RIMS2: variants seen among roughly 807,000 people sequenced by gnomAD.
RIMS2 encodes regulating synaptic membrane exocytosis 2, also known as regulating synaptic membrane exocytosis protein 2.
In RIMS2, 59 loss-of-function variants were observed where a neutral mutation model predicts 174.4. The observed-to-expected ratio is 0.34, with a 90% CI of 0.27 to 0.42. RIMS2 has a LOEUF of 0.42. RIMS2 is among the 10% of genes least tolerant of loss of function. The pLI is 1.00. For missense variants in RIMS2, 1,620 were observed against 1,666.3 expected (o/e 0.97, Z 0.48); for synonymous variants, 606 against 572.5 (o/e 1.06, Z -0.84).
chr8:103,644,165 C>G (rs189195734), intron 1 of RIMS2, among the ~76,000 whole-genome samples: 12 of 151,946 alleles, frequency 7.9e-5, no homozygotes, highest in Admixed American at 7.9e-4. Context: ...GAATTTGAAA[C>G]TTAGAAGTAG....
At chr8:103,844,154 T>G (rs2098955858) in intron 3 of RIMS2, among the ~76,000 whole-genome samples, 1 of 152,230 alleles carries the variant, frequency 6.6e-6, no homozygotes, top group Non-Finnish European at 1.5e-5. Context: ...CCATTAAACC[T>G]CTTTCCTTTG....
intron 1 of RIMS2, among the ~76,000 whole-genome samples, chr8:103,528,112 G>T (rs755016260): frequency 7.2e-5 from 11 of 152,152 alleles, no homozygotes; most frequent in Non-Finnish European, 1.3e-4. Context: ...ATCTCATTGT[G>T]GTTTTGATTT....
chr8:104,106,939 A>G (rs945775863), intron 19 of RIMS2, among the ~76,000 whole-genome samples: 1 of 152,186 alleles, frequency 6.6e-6, no homozygotes, highest in African/African-American at 2.4e-5. Flanking sequence ...TAACATCAGT[A>G]TAGTGTGGTA....
At chr8:103,594,106 G>A (rs1057243952) in intron 1 of RIMS2, among the ~76,000 whole-genome samples, 6 of 151,470 alleles carry the variant, frequency 4.0e-5, no homozygotes, top group African/African-American at 1.5e-4. Context: ...TTATTTTTGG[G>A]CGTGTACATG....
At chr8:103,751,899 C>T (rs1429666381) in intron 2 of RIMS2, among the ~76,000 whole-genome samples, 1 of 151,820 alleles carries the variant, frequency 6.6e-6, no homozygotes, top group Non-Finnish European at 1.5e-5. Flanking sequence ...TTGTAGGTTG[C>T]CTGTTCACTC....
chr8:103,938,642 A>G (rs1299181016), intron 13 of RIMS2, among the ~76,000 whole-genome samples: 1 of 152,210 alleles, frequency 6.6e-6, no homozygotes, highest in African/African-American at 2.4e-5. Context: ...GTCTTAACTC[A>G]GAATTAACTC....
intron 3 of RIMS2, among the ~76,000 whole-genome samples, chr8:103,814,752 A>T (rs1481841342): frequency 1.3e-5 from 2 of 152,066 alleles, no homozygotes; most frequent in East Asian, 3.9e-4. Context: ...GATGGTGCAC[A>T]CCTATAGTCC....
chr8:103,772,321 A>G (rs547643385), intron 3 of RIMS2, among the ~76,000 whole-genome samples: 240 of 152,104 alleles, frequency 1.6e-3, no homozygotes, highest in Middle Eastern at 3.8e-3. Context: ...TCAATGTCTG[A>G]TAACCATTTA....
intron 1 of RIMS2, among the ~76,000 whole-genome samples, chr8:103,684,254 C>G (rs1276800252): frequency 6.6e-6 from 1 of 152,122 alleles, no homozygotes; most frequent in Admixed American, 6.6e-5. Flanking sequence ...TCTGATTTTG[C>G]TTTTCCCAGA....
intron 19 of RIMS2, among the ~76,000 whole-genome samples, chr8:104,122,146 G>A (rs904516432): frequency 6.6e-6 from 1 of 152,030 alleles, no homozygotes; most frequent in Admixed American, 6.6e-5. Context: ...TGGAAGCATT[G>A]CCTCACTTCC....
At position 104,208,901 on chromosome 8, in the gene RIMS2, A is replaced by G. The variant is rs151271753; in HGVS notation, c.3335-36015A>G. Among the ~76,000 whole-genome samples, 15 of 152,358 alleles carry G rather than the reference A, an allele frequency of 9.8e-5. No homozygotes were observed. The East Asian group carries it at 2.9e-3, about 29-fold the overall frequency. ...TGACAAAGGAAGCCAAGTACACAGCATTTAAGTGAAGCTGAAAAGAAAAAT... is the reference window on the plus strand; with the variant it reads ...TGACAAAGGAAGCCAAGTACACAGCGTTTAAGTGAAGCTGAAAAGAAAAAT... On this transcript the variant is annotated intron_variant, in intron 19 of 23. Transcript: ENST00000504942.
intron 1 of RIMS2, among the ~76,000 whole-genome samples, chr8:103,535,991 T>C (rs563128847): frequency 1.3e-5 from 2 of 152,236 alleles, no homozygotes; most frequent in Non-Finnish European, 2.9e-5. Flanking sequence ...CTGTCTTCAA[T>C]ACTTGTATTC....
intron 14 of RIMS2, among the ~76,000 whole-genome samples, chr8:103,956,724 T>G (rs1218314448): frequency 6.6e-6 from 1 of 152,074 alleles, no homozygotes; most frequent in Non-Finnish European, 1.5e-5. Context: ...CCAAAAGCAA[T>G]GGCAACAAAA....
At chr8:103,767,929 C>T (rs1196337147) in intron 3 of RIMS2, among the ~76,000 whole-genome samples, 2 of 152,180 alleles carry the variant, frequency 1.3e-5, no homozygotes, top group East Asian at 3.9e-4. Flanking sequence ...TTTATCAACT[C>T]TCCTTTATTG....
chr8:103,617,810 C>T (rs1412836656), intron 1 of RIMS2, among the ~76,000 whole-genome samples: 1 of 152,062 alleles, frequency 6.6e-6, no homozygotes, highest in Non-Finnish European at 1.5e-5. Context: ...TGACATACCA[C>T]CTCACACCAG....
Position 103,816,946 on chromosome 8 carries a change from T to G in RIMS2, c.698+50409T>G, listed in dbSNP as rs959109252. ...GTTGATTTGCAGTATAATCACCTTC[T>G]TACTTAGTAGACTTGTTTCTAAAGG... On this transcript the variant is annotated intron_variant, in intron 3 of 23. Transcript: ENST00000504942. Among the ~76,000 whole-genome samples the G allele has an allele frequency of 2.6e-5, 4 of 152,324 alleles. No individual in the cohort carries two copies. In the East Asian group the frequency reaches 5.8e-4, roughly 22 times the overall value.
At chr8:103,529,543 G>A (rs1835932670) in intron 1 of RIMS2, among the ~76,000 whole-genome samples, 1 of 152,236 alleles carries the variant, frequency 6.6e-6, no homozygotes, top group African/African-American at 2.4e-5. Flanking sequence ...CCCTTGGCTA[G>A]GAAAGGGAAT....
At chr8:103,632,938 T>C (rs1346532946) in intron 1 of RIMS2, among the ~76,000 whole-genome samples, 4 of 150,276 alleles carry the variant, frequency 2.7e-5, no homozygotes, top group African/African-American at 7.4e-5. Context: ...TTTCACTATG[T>C]TAACCAGGAT....
chr8:103,754,756 G>C (rs1393102980), intron 2 of RIMS2, among the ~76,000 whole-genome samples: 1 of 152,042 alleles, frequency 6.6e-6, no homozygotes, highest in Non-Finnish European at 1.5e-5. Context: ...TATAACCCCT[G>C]CTTTTTTTTG....
Sources: gnomAD v4.1 joint callset for allele counts (sites outside exome capture counted in the v4.1 genomes callset) on GRCh38, gnomAD v4.1.1 for gene constraint, MANE v1.5 for transcripts, NCBI Gene and HGNC (gene_info 2026-07-23, HGNC 2026-07-21) for gene names.